DNA2: variants seen among roughly 807,000 people sequenced by gnomAD.
DNA2 encodes the protein DNA replication helicase/nuclease 2.
In DNA2, 101 loss-of-function variants were observed where a neutral mutation model predicts 119.1. The observed-to-expected ratio is 0.85, with a 90% CI of 0.72 to 1.00. The LOEUF (loss-of-function observed/expected upper bound fraction) is 1.00, where lower values mean the gene tolerates loss of function less well. Among genes scored for constraint, DNA2 ranks in the 50% least tolerant of loss-of-function variants. The probability of loss-of-function intolerance (pLI) is 0.00; values close to 1 mark genes in which losing one functional copy is unlikely to be tolerated. For synonymous variants in DNA2, 366 were observed against 424.4 expected (o/e 0.86, Z 1.69); for missense variants, 1,121 against 1,255.5 (o/e 0.89, Z 1.62).
intron 14 of DNA2, chr10:68,424,638 C>G: frequency 6.3e-7 from 1 of 1,593,964 alleles, no homozygotes; most frequent in Non-Finnish European, 8.6e-7. Context: ...GCACGTGCAC[C>G]GGAAGATCAT....
chr10:68,424,101 A>C (rs2051702796), intron 14 of DNA2, among the ~76,000 whole-genome samples: 1 of 152,200 alleles, frequency 6.6e-6, no homozygotes, highest in African/African-American at 2.4e-5. Flanking sequence ...AGCCACGGTA[A>C]CAACATTTAA....
At chr10:68,459,477 T>G (rs991238630) in intron 4 of DNA2, among the ~76,000 whole-genome samples, 1 of 152,222 alleles carries the variant, frequency 6.6e-6, no homozygotes, top group Non-Finnish European at 1.5e-5. Context: ...TTGAAGAACC[T>G]TCAGGACATT....
At chr10:68,424,138 T>C (rs2051703164) in intron 14 of DNA2, among the ~76,000 whole-genome samples, 1 of 149,968 alleles carries the variant, frequency 6.7e-6, no homozygotes, top group African/African-American at 2.5e-5. Context: ...CGCTTGAATA[T>C]GAACCAAAAA....
rs192195444 is a variant in DNA2, at chr10:68,422,104, C to G, written c.2697+121G>C. ...CTGGGATTACAGGTGTGAGCCACCA[C>G]GCCCAGCCTAGTTTTGCCTTTTAAC... On this transcript the variant is annotated intron_variant, in intron 17 of 20. Coordinates refer to ENST00000358410, the MANE Select transcript of DNA2 (RefSeq NM_001080449.3). 14 of 778,068 alleles carry G rather than the reference C, an allele frequency of 1.8e-5. No individual in the cohort carries two copies. In the East Asian group the frequency reaches 3.9e-4, roughly 22 times the overall value. 48.2% of individuals were successfully genotyped at this position (778,068 alleles called of 1,614,324 possible).
At position 68,471,576 on chromosome 10, in the gene DNA2, C is replaced by G. The variant is rs2281699; in HGVS notation, c.74+215G>C. ...AAATCAAGGGAAACAATGAACTGCT[C>G]GGCGAGGGAGAGTCCAGGCTCTGGC... is the stretch of plus-strand genomic sequence containing the variant. On this transcript the variant is annotated intron_variant, in intron 1 of 20. Transcript: ENST00000358410. Among the ~76,000 whole-genome samples the G allele has an allele frequency of 0.29, 44,673 of 151,916 alleles. 7,231 individuals carry two copies. Among genetic ancestry groups the G allele is most frequent in the African/African-American group, 0.42 (17,371 of 41,406 alleles).
chr10:68,430,235 C>T (rs180732515), intron 14 of DNA2, among the ~76,000 whole-genome samples: 131 of 152,004 alleles, frequency 8.6e-4, no homozygotes, highest in African/African-American at 3.0e-3. Context: ...TAGAAGAGAG[C>T]CCTAAATAAT....
upstream of DNA2, chr10:68,472,034 T>C: frequency 1.2e-6 from 2 of 1,605,484 alleles, no homozygotes; most frequent in Non-Finnish European, 8.5e-7. Flanking sequence ...CGCCGGCGCG[T>C]TCCACGTGGG....
intron 10 of DNA2, 30 bp from the exon 11 acceptor site, chr10:68,432,540 G>T: frequency 8.2e-7 from 1 of 1,216,902 alleles, no homozygotes; most frequent in Non-Finnish European, 1.2e-6. Context: ...ATACATGAAT[G>T]CTCGCCATTT....
rs908940267 is a variant in DNA2 at position 68,450,062 on chromosome 10, C to T, written c.905G>A (p.Gly302Asp). 1 of 1,599,154 alleles carries T rather than the reference C, an allele frequency of 6.3e-7. No individual in the cohort carries two copies. The highest frequency in any genetic ancestry group is 1.1e-5 in the South Asian group (1 of 89,244). ...GTGTTCAATAGAATTTGATTCTTTG[C>T]CAGTTTTAAGTTCCAGCGGCATTAT... The part of the protein sequence containing the change: ...YKIMPLELKT[G>D]KESNSIEHRS... The change falls in exon 6 of 21, where the codon GGC becomes GAC. Residue 302 changes from glycine (G) to aspartate (D), a missense_variant. Coordinates refer to ENST00000358410, the MANE Select transcript of DNA2 (RefSeq NM_001080449.3).
In DNA2 at chr10:68,440,078, T is replaced by C. The variant is rs1281797935; in HGVS notation, c.1416-2837A>G. ...CAGCATTTTGGGAGGCTGAGGTGGGTGGACTGCTTGAGGCCAGGAGTTCCA... is the reference window on the plus strand; with the variant it reads ...CAGCATTTTGGGAGGCTGAGGTGGGCGGACTGCTTGAGGCCAGGAGTTCCA... On this transcript the variant is annotated intron_variant, in intron 9 of 20. Transcript: ENST00000358410. Among the ~76,000 whole-genome samples, 9 of 151,730 alleles carry C rather than the reference T, an allele frequency of 5.9e-5. No individual in the cohort carries two copies. In the South Asian group the frequency reaches 1.3e-3, roughly 21 times the overall value.
intron 5 of DNA2, among the ~76,000 whole-genome samples, chr10:68,458,619 C>T (rs1013328954): frequency 6.6e-6 from 1 of 151,118 alleles, no homozygotes; most frequent in South Asian, 2.1e-4. Context: ...GAGGCTGAGG[C>T]GGGTGGATCA....
At chr10:68,467,996 A>C in intron 3 of DNA2, 127 bp downstream of exon 3, 1 of 701,336 alleles carries the variant, frequency 1.4e-6, no homozygotes, top group South Asian at 4.0e-5. Flanking sequence ...CCTCATCTAT[A>C]AAATGCAGCT....
At chr10:68,455,064 G>A (rs1426001684) in intron 5 of DNA2, among the ~76,000 whole-genome samples, 3 of 144,602 alleles carry the variant, frequency 2.1e-5, no homozygotes, top group South Asian at 4.4e-4. Context: ...TCAGCCTCCC[G>A]AGTAGCTGGG....
intron 4 of DNA2, among the ~76,000 whole-genome samples, chr10:68,463,317 G>A (rs1004549072): frequency 5.3e-5 from 8 of 151,670 alleles, no homozygotes; most frequent in Non-Finnish European, 7.4e-5. Context: ...GGTGGCGGCC[G>A]CCTGTAGTCC....
At chr10:68,431,225 A>AG (rs1297732835) in intron 13 of DNA2, among the ~76,000 whole-genome samples, 1 of 151,640 alleles carries the variant, frequency 6.6e-6, no homozygotes, top group Admixed American at 6.6e-5. Flanking sequence ...AAAAAAAAGA[A>AG]AAAGAAAAGA....
intron 3 of DNA2, among the ~76,000 whole-genome samples, chr10:68,467,663 G>T (rs1049912270): frequency 2.6e-5 from 4 of 152,040 alleles, no homozygotes; most frequent in African/African-American, 9.7e-5. Flanking sequence ...CGATTCTCCT[G>T]CCTCAGCCTC....
At chr10:68,460,663 C>A (rs183890342) in intron 4 of DNA2, among the ~76,000 whole-genome samples, 1 of 152,162 alleles carries the variant, frequency 6.6e-6, no homozygotes, top group East Asian at 1.9e-4. Context: ...CCGCCTCGGC[C>A]TCTGAAAGTG....
intron 4 of DNA2, among the ~76,000 whole-genome samples, chr10:68,465,018 A>AT (rs200815175): frequency 0.01 from 1,302 of 126,766 alleles, 24 homozygotes; most frequent in African/African-American, 0.028. Context: ...GTAAAGCTGC[A>AT]TTTTTTTTTT....
At chr10:68,466,189 T>A (rs1398110767) in intron 3 of DNA2, among the ~76,000 whole-genome samples, 2 of 152,084 alleles carry the variant, frequency 1.3e-5, no homozygotes, top group Admixed American at 1.3e-4. Flanking sequence ...CCCGGCTAAC[T>A]TTTATTTTTT....
Sources: allele counts gnomAD v4.1 joint callset (sites outside exome capture counted in the v4.1 genomes callset), GRCh38; gene constraint gnomAD v4.1.1; transcripts MANE v1.5; gene names NCBI Gene and HGNC (gene_info 2026-07-23, HGNC 2026-07-21).